PDE4DIP: variants seen among roughly 807,000 people sequenced by gnomAD.
The protein encoded by PDE4DIP is phosphodiesterase 4D interacting protein.
PDE4DIP carries 59 observed loss-of-function variants against 221.4 expected under a neutral mutation model. The ratio of observed to expected loss-of-function variants is 0.27; its 90% CI spans 0.22 to 0.33. PDE4DIP has a LOEUF of 0.33. Among genes scored for constraint, PDE4DIP ranks in the 10% least tolerant of loss-of-function variants. The pLI is 1.00. For synonymous variants in PDE4DIP, 404 were observed against 815.9 expected, an observed-to-expected ratio of 0.50 and a Z score of 8.60; for missense variants, 1,036 against 2,154.2, an observed-to-expected ratio of 0.48 and a Z score of 10.28.
chr1:148,876,914 T>C (rs1338694384), intron 3 of PDE4DIP, among the ~76,000 whole-genome samples: 3 of 136,078 alleles, frequency 2.2e-5, no homozygotes. Flanking sequence ...CTCAGGAGGC[T>C]GAGGCAGGAG....
chr1:148,917,135 G>A (rs1397484706), intron 1 of PDE4DIP, among the ~76,000 whole-genome samples: 2 of 150,760 alleles, frequency 1.3e-5, no homozygotes, highest in Admixed American at 6.6e-5. Flanking sequence ...GAGATCATGG[G>A]TATTTATGTG....
chr1:149,028,189 C>G (rs1169559239), intron 40 of PDE4DIP, among the ~76,000 whole-genome samples: 3 of 151,710 alleles, frequency 2.0e-5, no homozygotes, highest in African/African-American at 7.3e-5. Flanking sequence ...AGCCCCCACA[C>G]TAGAGGGCAA....
At chr1:149,009,982 G>T (rs1269817545) in intron 30 of PDE4DIP, among the ~76,000 whole-genome samples, 191 bp downstream of exon 33, 2 of 152,214 alleles carry the variant, frequency 1.3e-5, no homozygotes, top group East Asian at 3.8e-4. Flanking sequence ...TGTCACCGTG[G>T]CCTCCATGGG....
At chr1:148,959,756 A>G (rs1382436627) in intron 5 of PDE4DIP, among the ~76,000 whole-genome samples, 1 of 151,648 alleles carries the variant, frequency 6.6e-6, no homozygotes, top group Non-Finnish European at 1.5e-5. Flanking sequence ...TGATATTCCT[A>G]TAAAATATAT....
At chr1:148,953,227 G>A (rs782454042) in intron 5 of PDE4DIP, 2 of 1,612,810 alleles carry the variant, frequency 1.2e-6, no homozygotes, top group Admixed American at 1.7e-5. Context: ...ATCAGATCCA[G>A]GAGCCACACA....
intron 32 of PDE4DIP, among the ~76,000 whole-genome samples, chr1:149,015,780 C>G (rs1483130255): frequency 6.6e-6 from 1 of 151,912 alleles, no homozygotes; most frequent in African/African-American, 2.4e-5. Flanking sequence ...TCTGGAGGAA[C>G]TAGGGCCACC....
intron 17 of PDE4DIP, among the ~76,000 whole-genome samples, chr1:148,975,212 T>A (rs1253508679): frequency 6.8e-6 from 1 of 147,592 alleles, no homozygotes; most frequent in African/African-American, 2.5e-5. Flanking sequence ...AAAGCACTGG[T>A]GAAAAAAGGA....
intron 1 of PDE4DIP, among the ~76,000 whole-genome samples, chr1:148,901,904 A>C (rs1553447237): frequency 8.3e-6 from 1 of 120,728 alleles, no homozygotes; most frequent in Non-Finnish European, 1.6e-5. Flanking sequence ...CCAACACAAA[A>C]GTAAATCTAG....
intron 5 of PDE4DIP, chr1:148,952,327 C>T (rs1159845818): frequency 3.9e-6 from 4 of 1,016,088 alleles, no homozygotes; most frequent in Admixed American, 1.1e-4. Context: ...CCAGAAGAGC[C>T]TTGTGGAGGC....
At chr1:149,000,198 G>C (rs1699834) in intron 23 of PDE4DIP, among the ~76,000 whole-genome samples, 1 of 152,166 alleles carries the variant, frequency 6.6e-6, no homozygotes, top group Non-Finnish European at 1.5e-5. Flanking sequence ...GATCCTTCAA[G>C]TTGTGAATTA....
intron 4 of PDE4DIP, among the ~76,000 whole-genome samples, chr1:148,936,811 G>C (rs1436851985): frequency 1.2e-4 from 18 of 151,530 alleles, no homozygotes; most frequent in African/African-American, 4.1e-4. Flanking sequence ...CAGCTTCACT[G>C]TCTTCCACCT....
At chr1:149,030,395 G>C (rs587663335) in intron 43 of PDE4DIP, 117 bp downstream of exon 46, 44 of 1,522,358 alleles carry the variant, frequency 2.9e-5, no homozygotes, top group African/African-American at 2.2e-4. Context: ...AGAAGACTTG[G>C]GGTCCACTTG....
chr1:148,970,991 TTCA>T lies in PDE4DIP; in HGVS notation c.1981-1183_1981-1181del, dbSNP rs1185440441. On this transcript the variant is annotated intron_variant, in intron 14 of 43. Transcript: ENST00000369354. ...TCCTCAGAGACAGTTGGTGTTATGA[TTCA>T]TCATCTTAGACCCTCAGTAATTTTA... 4.0e-5 allele frequency among the ~76,000 whole-genome samples: 6 copies of T among 151,706 alleles called. No homozygotes were observed. In the East Asian group the frequency reaches 7.7e-4, roughly 20 times the overall value.
intron 1 of PDE4DIP, among the ~76,000 whole-genome samples, chr1:148,902,543 T>G (rs2040861103): frequency 3.1e-5 from 1 of 31,830 alleles, no homozygotes; most frequent in Non-Finnish European, 4.7e-5. Context: ...AAGTCCACTG[T>G]GTCATTCTTA....
intron 2 of PDE4DIP, 161 bp downstream of exon 5, chr1:148,929,434 G>C (rs2047353309): frequency 9.1e-7 from 1 of 1,096,512 alleles, no homozygotes; most frequent in South Asian, 1.7e-5. Flanking sequence ...GTTTCCCTTG[G>C]GCTCTTTCTC....
At chr1:149,014,032 C>G (rs868989694) in intron 32 of PDE4DIP, among the ~76,000 whole-genome samples, 1 of 151,952 alleles carries the variant, frequency 6.6e-6, no homozygotes, top group Non-Finnish European at 1.5e-5. Context: ...AAGTGATTGG[C>G]CCACCTTGGT....
At chr1:149,015,371 T>A (rs1553609582) in intron 32 of PDE4DIP, among the ~76,000 whole-genome samples, 1 of 152,028 alleles carries the variant, frequency 6.6e-6, no homozygotes, top group Non-Finnish European at 1.5e-5. Context: ...GGAGTTTGGC[T>A]TGGATGGAAG....
Position 148,892,285 on chromosome 1 carries a change from G to A in PDE4DIP, c.141+2391G>A, listed in dbSNP as rs1448778050. 2.5e-5 allele frequency among the ~76,000 whole-genome samples: 3 copies of A among 122,216 alleles called. 1 individual carries two copies. Among genetic ancestry groups the A allele is most frequent in the East Asian group, 1.0e-3 (2 of 1,996 alleles). The allele number at this position is 122,216 out of a possible 152,430, so 80.2% of individuals were successfully genotyped here. On this transcript the variant is annotated intron_variant, in intron 1 of 43. Transcript: ENST00000369354. The stretch of plus-strand genomic sequence containing the variant: ...ACTGGGATTACAGGCGTGAGCCACT[G>A]CGCCCCACCAGGATTTTTTTTTTTT...
chr1:149,021,578 C>T (rs1263864818), intron 37 of PDE4DIP: 2 of 153,382 alleles, frequency 1.3e-5, no homozygotes, highest in East Asian at 1.9e-4. Flanking sequence ...GCTTATTGCC[C>T]TCTCATGTAA....
Sources: gnomAD v4.1 joint callset for allele counts (sites outside exome capture counted in the v4.1 genomes callset) on GRCh38, gnomAD v4.1.1 for gene constraint, MANE v1.5 for transcripts, NCBI Gene and HGNC (gene_info 2026-07-23, HGNC 2026-07-21) for gene names.